The following NRG3 variants were observed in gnomAD, a reference collection of about 807,000 sequenced individuals.
NRG3 encodes the protein pro-neuregulin-3, membrane-bound isoform.
A neutral mutation model predicts 66.9 loss-of-function variants in NRG3; 31 were observed. The ratio of observed to expected loss-of-function variants is 0.46; its 90% CI spans 0.35 to 0.63. The LOEUF (loss-of-function observed/expected upper bound fraction) is 0.63, where lower values mean the gene tolerates loss of function less well. NRG3 is among the 20% of genes least tolerant of loss of function. The pLI, the probability that NRG3 is intolerant of heterozygous loss-of-function variation, is 0.00. For synonymous variants in NRG3, 393 were observed against 359.4 expected (o/e 1.09, Z -1.06); for missense variants, 910 against 878.9 (o/e 1.04, Z -0.45).
At chr10:82,256,511 T>C (rs1402374171) in intron 1 of NRG3, among the ~76,000 whole-genome samples, 1 of 152,182 alleles carries the variant, frequency 6.6e-6, no homozygotes, top group East Asian at 1.9e-4. Flanking sequence ...TCCTCCTTCC[T>C]GTCCTGAGGC....
intron 2 of NRG3, among the ~76,000 whole-genome samples, chr10:82,660,196 C>CAAAAAAAAAAAAAAAAAAAAAAAAAAA (rs58870828): frequency 1.5e-4 from 3 of 19,562 alleles, no homozygotes; most frequent in East Asian, 1.4e-3. Context: ...AACTCCCTCT[C>CAAAAAAAAAAAAAAAAAAAAAAAAAAA]AAAAAAAAAA....
chr10:81,911,324 T>G (rs1845122746), intron 1 of NRG3, among the ~76,000 whole-genome samples: 1 of 152,120 alleles, frequency 6.6e-6, no homozygotes, highest in Admixed American at 6.6e-5. Context: ...GAAAGCCTGC[T>G]ATGGTGCAAA....
chr10:82,678,167 G>A lies in NRG3; in HGVS notation c.954-60410G>A, dbSNP rs536732505. On this transcript the variant is annotated intron_variant, in intron 2 of 8. Coordinates refer to ENST00000372141, the MANE Select transcript of NRG3 (RefSeq NM_001010848.4). ...CCACTTCAGGTGTTTCCTATCTATTGGGAGACTGCTTTTCCCTGGTCACTC... is the reference window on the plus strand; with the variant it reads ...CCACTTCAGGTGTTTCCTATCTATTAGGAGACTGCTTTTCCCTGGTCACTC... Among the ~76,000 whole-genome samples the A allele has an allele frequency of 3.3e-5, 5 of 152,256 alleles. No individual in the cohort carries two copies. The East Asian group carries it at 9.7e-4, about 29-fold the overall frequency.
At chr10:82,767,872 G>GTT (rs1010781080) in intron 3 of NRG3, among the ~76,000 whole-genome samples, 1 of 140,864 alleles carries the variant, frequency 7.1e-6, no homozygotes, top group Non-Finnish European at 1.5e-5. Context: ...AATTATCTCT[G>GTT]TTCTCTCTCT....
chr10:82,951,885 G>C (rs1354796868), intron 5 of NRG3, among the ~76,000 whole-genome samples: 1 of 152,202 alleles, frequency 6.6e-6, no homozygotes, highest in African/African-American at 2.4e-5. Flanking sequence ...TAAGGGCTTG[G>C]TGTCTGCCTG....
chr10:82,501,210 T>G (rs1844149917), intron 2 of NRG3, among the ~76,000 whole-genome samples: 1 of 152,110 alleles, frequency 6.6e-6, no homozygotes, highest in African/African-American at 2.4e-5. Flanking sequence ...GGTGGAAATC[T>G]AAGCACGGCC....
chr10:82,132,573 T>C (rs1757975535), intron 1 of NRG3, among the ~76,000 whole-genome samples: 1 of 122,984 alleles, frequency 8.1e-6, no homozygotes, highest in East Asian at 2.2e-4. Context: ...GTTATCAGAG[T>C]AATACGGGCC....
chr10:82,109,577 GTATATA>G (rs139348809), intron 1 of NRG3, among the ~76,000 whole-genome samples: 8 of 125,240 alleles, frequency 6.4e-5, no homozygotes, highest in African/African-American at 2.0e-4. Context: ...GTGTGTGTGT[GTATATA>G]TATATTTTCA....
At chr10:82,523,350 T>A (rs948618515) in intron 2 of NRG3, among the ~76,000 whole-genome samples, 3 of 152,192 alleles carry the variant, frequency 2.0e-5, no homozygotes, top group Non-Finnish European at 4.4e-5. Flanking sequence ...TTTTCCAAAG[T>A]GGCTGCACCA....
chr10:81,926,943 G>A (rs1240686682), intron 1 of NRG3, among the ~76,000 whole-genome samples: 1 of 152,156 alleles, frequency 6.6e-6, no homozygotes, highest in Non-Finnish European at 1.5e-5. Flanking sequence ...AAGATAAAGT[G>A]CATAAAGGGC....
intron 1 of NRG3, among the ~76,000 whole-genome samples, chr10:82,103,556 G>A (rs2066887470): frequency 6.6e-6 from 1 of 152,030 alleles, no homozygotes; most frequent in African/African-American, 2.4e-5. Flanking sequence ...TGGAACTTAG[G>A]TGGTATTTTA....
chr10:82,325,352 TTTTG>T (rs977426674), intron 1 of NRG3, among the ~76,000 whole-genome samples: 2 of 152,056 alleles, frequency 1.3e-5, no homozygotes, highest in Non-Finnish European at 2.9e-5. Context: ...TGGCTAATTT[TTTTG>T]TTTGTTTGTT....
chr10:82,760,348 A>G (rs1017114811), intron 3 of NRG3, among the ~76,000 whole-genome samples: 1 of 152,204 alleles, frequency 6.6e-6, no homozygotes, highest in Non-Finnish European at 1.5e-5. Context: ...AAAAAAGCAT[A>G]TAAGAAAATC....
intron 2 of NRG3, among the ~76,000 whole-genome samples, chr10:82,592,675 C>T (rs1204717584): frequency 2.0e-5 from 3 of 152,128 alleles, no homozygotes; most frequent in Non-Finnish European, 4.4e-5. Context: ...AAATGTGACC[C>T]TCATGCAGCT....
At chr10:82,583,315 A>G (rs1027435924) in intron 2 of NRG3, among the ~76,000 whole-genome samples, 2 of 152,224 alleles carry the variant, frequency 1.3e-5, no homozygotes, top group Non-Finnish European at 2.9e-5. Flanking sequence ...TGATTCAGTA[A>G]CAGTCTAAAT....
intron 4 of NRG3, among the ~76,000 whole-genome samples, chr10:82,906,869 T>C (rs969518375): frequency 6.6e-6 from 1 of 152,274 alleles, no homozygotes; most frequent in East Asian, 1.9e-4. Context: ...GAATCTAGTG[T>C]TTTGTTTTTT....
chr10:82,739,225 A>T (rs759484189), intron 3 of NRG3, among the ~76,000 whole-genome samples: 2 of 152,222 alleles, frequency 1.3e-5, no homozygotes, highest in African/African-American at 2.4e-5. Context: ...TTGCAGACTA[A>T]AAAATATGGC....
At chr10:82,643,894 A>C (rs1383632) in intron 2 of NRG3, among the ~76,000 whole-genome samples, 3,567 of 39,138 alleles carry the variant, frequency 0.091, 132 homozygotes, top group African/African-American at 0.28. Context: ...GCGCACACAC[A>C]CACACACACC....
At chr10:82,590,959 A>T (rs535172083) in intron 2 of NRG3, among the ~76,000 whole-genome samples, 1 of 152,350 alleles carries the variant, frequency 6.6e-6, no homozygotes, top group South Asian at 2.1e-4. Context: ...GTCATTGCCC[A>T]TTCCATCAAG....
Sources: allele counts gnomAD v4.1 joint callset (sites outside exome capture counted in the v4.1 genomes callset), GRCh38; gene constraint gnomAD v4.1.1; transcripts MANE v1.5; gene names NCBI Gene and HGNC (gene_info 2026-07-23, HGNC 2026-07-21).